GPR89A: variants seen among roughly 807,000 people sequenced by gnomAD.
GPR89A encodes the protein G protein-coupled receptor 89A.
A neutral mutation model predicts 52.0 loss-of-function variants in GPR89A; 16 were observed. The observed-to-expected ratio is 0.31, with a 90% CI of 0.21 to 0.47. GPR89A has a LOEUF of 0.47. Among genes scored for constraint, GPR89A ranks in the 20% least tolerant of loss-of-function variants. The pLI, the probability that GPR89A is intolerant of heterozygous loss-of-function variation, is 1.00. For synonymous variants in GPR89A, 55 were observed against 150.9 expected, an observed-to-expected ratio of 0.36 and a Z score of 4.66; for missense variants, 135 against 449.4, an observed-to-expected ratio of 0.30 and a Z score of 6.33.
At position 145,626,275 on chromosome 1, in the gene GPR89A, CT is replaced by C. The variant is rs587757319; in HGVS notation, c.415+2564del. Among the ~76,000 whole-genome samples, 66 of 151,974 alleles carry C rather than the reference CT, an allele frequency of 4.3e-4. No individual in the cohort carries two copies. The South Asian group carries it at 0.013, about 30-fold the overall frequency. On this transcript the variant is annotated intron_variant, in intron 5 of 13. Transcript: ENST00000313835. ...CACTACAAAGACCCGACTCTGACACCTTTCTCCAGCTTTCTCCTGTGTGCAT... is the reference window on the plus strand; with the variant it reads ...CACTACAAAGACCCGACTCTGACACCTTCTCCAGCTTTCTCCTGTGTGCAT...
intron 8 of GPR89A, chr1:145,645,330 G>A (rs1352599627): frequency 3.0e-6 from 1 of 332,438 alleles, no homozygotes; most frequent in Non-Finnish European, 5.9e-6. Context: ...AAATCAGAGA[G>A]GAGGGAGGAT....
intron 12 of GPR89A, among the ~76,000 whole-genome samples, chr1:145,665,884 C>T (rs1429310241): frequency 3.3e-5 from 5 of 150,878 alleles, no homozygotes; most frequent in Non-Finnish European, 4.4e-5. Flanking sequence ...GTCCCAACTA[C>T]TTGGGAGGCT....
intron 3 of GPR89A, among the ~76,000 whole-genome samples, chr1:145,621,974 C>T (rs1649170831): frequency 6.8e-6 from 1 of 147,292 alleles, no homozygotes; most frequent in South Asian, 2.1e-4. Flanking sequence ...TCATACACTC[C>T]TGAGGAAAAT....
At chr1:145,617,367 G>A in intron 2 of GPR89A, among the ~76,000 whole-genome samples, 1 of 152,158 alleles carries the variant, frequency 6.6e-6, no homozygotes, top group Admixed American at 6.5e-5. Flanking sequence ...CTTTTTCAGG[G>A]TGCACTAATT....
At chr1:145,610,516 C>T (rs1345742694) in intron 1 of GPR89A, among the ~76,000 whole-genome samples, 1 of 152,152 alleles carries the variant, frequency 6.6e-6, no homozygotes, top group African/African-American at 2.4e-5. Flanking sequence ...TATCCCTCCC[C>T]TTCTTTAAGC....
intron 12 of GPR89A, among the ~76,000 whole-genome samples, chr1:145,666,552 A>G (rs1317646841): frequency 3.4e-5 from 5 of 147,152 alleles, no homozygotes; most frequent in African/African-American, 1.2e-4. Context: ...GAATTCAACT[A>G]TTTTTTTTTT....
chr1:145,659,182 T>TTATA (rs1652016833), intron 10 of GPR89A, among the ~76,000 whole-genome samples: 1 of 151,860 alleles, frequency 6.6e-6, no homozygotes, highest in Admixed American at 6.6e-5. Context: ...ACCTTTTTAT[T>TTATA]TATTTATTTA....
intron 10 of GPR89A, among the ~76,000 whole-genome samples, chr1:145,662,888 A>T: frequency 1.4e-5 from 2 of 147,630 alleles, no homozygotes; most frequent in African/African-American, 5.0e-5. Context: ...TTAATTGGGA[A>T]TTTTTCATTA....
At chr1:145,669,431 CCCA>C (rs1553697067) in intron 12 of GPR89A, among the ~76,000 whole-genome samples, 191 bp from the exon 13 acceptor site, 5 of 146,238 alleles carry the variant, frequency 3.4e-5, no homozygotes, top group Non-Finnish European at 7.5e-5. Flanking sequence ...TTAAATTACC[CCCA>C]GGGGGAAAGT....
chr1:145,639,121 A>T (rs587682075), intron 7 of GPR89A, among the ~76,000 whole-genome samples: 1 of 151,774 alleles, frequency 6.6e-6, no homozygotes, highest in East Asian at 1.9e-4. Flanking sequence ...AAAATTATAA[A>T]ACTAATGAAA....
intron 5 of GPR89A, among the ~76,000 whole-genome samples, chr1:145,626,285 C>T (rs1192593829): frequency 6.6e-6 from 1 of 151,950 alleles, no homozygotes; most frequent in Non-Finnish European, 1.5e-5. Context: ...CTTTCTCCAG[C>T]TTTCTCCTGT....
chr1:145,626,809 G>A (rs1191293374), intron 5 of GPR89A, among the ~76,000 whole-genome samples: 6 of 151,666 alleles, frequency 4.0e-5, no homozygotes, highest in Admixed American at 3.9e-4. Flanking sequence ...AATTAGCCAG[G>A]CATGGTGGTG....
At chr1:145,615,232 G>C (rs1359105980) in intron 1 of GPR89A, among the ~76,000 whole-genome samples, 2 of 152,192 alleles carry the variant, frequency 1.3e-5, no homozygotes, top group African/African-American at 4.8e-5. Context: ...TGGTGGAGAA[G>C]CTAAGAAAAC....
chr1:145,636,867 C>T (rs587618138), intron 7 of GPR89A, among the ~76,000 whole-genome samples: 57 of 152,256 alleles, frequency 3.7e-4, no homozygotes, highest in African/African-American at 1.4e-3. Flanking sequence ...CACCACCCCC[C>T]CTGCCAGCAC....
chr1:145,667,138 G>C (rs372689947), intron 12 of GPR89A, among the ~76,000 whole-genome samples: 1 of 152,106 alleles, frequency 6.6e-6, no homozygotes, highest in Non-Finnish European at 1.5e-5. Flanking sequence ...ATTTCTAGTT[G>C]TAGATCCTTG....
chr1:145,626,990 GA>G (rs1559030260), intron 5 of GPR89A, among the ~76,000 whole-genome samples: 1 of 151,128 alleles, frequency 6.6e-6, no homozygotes, highest in East Asian at 1.9e-4. Context: ...TATGTAAAAT[GA>G]AAAAAAGATA....
chr1:145,642,832 T>G (rs1329637904), intron 7 of GPR89A, among the ~76,000 whole-genome samples: 1 of 151,260 alleles, frequency 6.6e-6, no homozygotes, highest in Non-Finnish European at 1.5e-5. Flanking sequence ...GTACAAATGA[T>G]ATTTTATTTT....
intron 10 of GPR89A, among the ~76,000 whole-genome samples, chr1:145,649,257 C>T (rs1413978405): frequency 2.0e-5 from 3 of 151,862 alleles, no homozygotes; most frequent in Non-Finnish European, 4.4e-5. Context: ...CCATCACTGC[C>T]ATGAGATTCC....
chr1:145,637,806 C>CT (rs1208612732), intron 7 of GPR89A, among the ~76,000 whole-genome samples: 1 of 152,136 alleles, frequency 6.6e-6, no homozygotes, highest in Non-Finnish European at 1.5e-5. Context: ...AGACTGAAAA[C>CT]TACAGTAACA....
Sources: allele counts gnomAD v4.1 joint callset (sites outside exome capture counted in the v4.1 genomes callset), GRCh38; gene constraint gnomAD v4.1.1; transcripts MANE v1.5; gene names NCBI Gene and HGNC (gene_info 2026-07-23, HGNC 2026-07-21).